The following SUSD4 variants were observed in gnomAD, a reference collection of about 807,000 sequenced individuals.
SUSD4 encodes the protein sushi domain-containing protein 4.
Under a neutral mutation model 50.5 loss-of-function variants are expected in SUSD4, and 41 were observed. The observed-to-expected ratio is 0.81, with a 90% confidence interval of 0.63 to 1.05. SUSD4 has a LOEUF of 1.05. Among genes scored for constraint, SUSD4 ranks in the 50% least tolerant of loss-of-function variants. The probability of loss-of-function intolerance (pLI) is 0.00; values close to 1 mark genes in which losing one functional copy is unlikely to be tolerated. For missense variants in SUSD4, 580 were observed against 634.7 expected, an observed-to-expected ratio of 0.91 and a Z score of 0.93; for synonymous variants, 257 against 257.3, an observed-to-expected ratio of 1.00 and a Z score of 0.01.
chr1:223,232,492 G>A (rs944874129), intron 5 of SUSD4, among the ~76,000 whole-genome samples: 3 of 152,222 alleles, frequency 2.0e-5, no homozygotes, highest in Non-Finnish European at 4.4e-5. Context: ...GAGGGCCACT[G>A]TAGGATTAGA....
At chr1:223,352,103 T>C (rs775983967) in intron 2 of SUSD4, among the ~76,000 whole-genome samples, 1 of 152,154 alleles carries the variant, frequency 6.6e-6, no homozygotes, top group Admixed American at 6.5e-5. Flanking sequence ...ATGGAGGAAA[T>C]TGAGAAACAG....
intron 2 of SUSD4, among the ~76,000 whole-genome samples, chr1:223,338,796 G>C (rs988368760): frequency 6.6e-6 from 1 of 152,244 alleles, no homozygotes; most frequent in East Asian, 1.9e-4. Flanking sequence ...AACATGGAGG[G>C]AGAGGCAATC....
chr1:223,271,124 G>A (rs896093382), intron 3 of SUSD4, among the ~76,000 whole-genome samples: 1 of 152,084 alleles, frequency 6.6e-6, no homozygotes, highest in Admixed American at 6.6e-5. Context: ...TAGGTACTGC[G>A]GCAGTAATTT....
At chr1:223,348,497 C>T (rs1205258476) in intron 2 of SUSD4, among the ~76,000 whole-genome samples, 1 of 152,164 alleles carries the variant, frequency 6.6e-6, no homozygotes, top group African/African-American at 2.4e-5. Context: ...AGACAGAAGC[C>T]ACTTTGTAAG....
At chr1:223,284,201 G>A (rs546672947) in intron 3 of SUSD4, among the ~76,000 whole-genome samples, 13 of 152,050 alleles carry the variant, frequency 8.5e-5, no homozygotes, top group African/African-American at 2.4e-4. Flanking sequence ...TGCACATTGC[G>A]CACATGTACC....
intron 5 of SUSD4, among the ~76,000 whole-genome samples, chr1:223,256,976 G>A (rs1661738995): frequency 6.6e-6 from 1 of 152,162 alleles, no homozygotes; most frequent in Non-Finnish European, 1.5e-5. Flanking sequence ...TGCTTCTCGT[G>A]ACTGTTGTTA....
intron 2 of SUSD4, among the ~76,000 whole-genome samples, chr1:223,353,259 T>C (rs1383080731): frequency 6.6e-6 from 1 of 152,174 alleles, no homozygotes; most frequent in African/African-American, 2.4e-5. Context: ...GGTCAGGACC[T>C]GCACGTGGGA....
chr1:223,313,259 G>C (rs75054872), intron 2 of SUSD4, among the ~76,000 whole-genome samples: 1,770 of 152,190 alleles, frequency 0.012, 35 homozygotes, highest in African/African-American at 0.039. Context: ...CATGCAGATT[G>C]AGTCCAACCA....
rs1271341985 is a variant in SUSD4 at position 223,227,228 on chromosome 1, A to G, written c.1061+366T>C. Among the ~76,000 whole-genome samples the G allele has an allele frequency of 3.9e-5, 6 of 151,962 alleles. No homozygotes were observed. Reference sequence around the variant, plus strand: ...GCTGTGTGCGCATCTTACCCTCCCTATAGACTGAGCTGTGTGGTGCTTCAC... The same window carrying G: ...GCTGTGTGCGCATCTTACCCTCCCTGTAGACTGAGCTGTGTGGTGCTTCAC... On this transcript the variant is annotated intron_variant, in intron 7 of 8. Transcript: ENST00000366878. The surrounding 1 kb of genome is among the most constrained non-coding windows in gnomAD (Gnocchi z 4.5).
rs573582612 is a variant in SUSD4 at position 223,340,172 on chromosome 1, A to G, written c.148+23106T>C. 7.9e-5 allele frequency among the ~76,000 whole-genome samples: 12 copies of G among 152,286 alleles called. No homozygotes were observed. In the East Asian group the frequency reaches 2.3e-3, roughly 29 times the overall value. On this transcript the variant is annotated intron_variant, in intron 2 of 8. Transcript: ENST00000366878. ...CAGTCTAGGCCCAGCACCCTGAAAAAAGCAGAATAACACCCAGAAGTTAAA... is the reference window on the plus strand; with the variant it reads ...CAGTCTAGGCCCAGCACCCTGAAAAGAGCAGAATAACACCCAGAAGTTAAA...
At chr1:223,298,257 A>C (rs1664964998) in intron 2 of SUSD4, among the ~76,000 whole-genome samples, 1 of 152,176 alleles carries the variant, frequency 6.6e-6, no homozygotes, top group African/African-American at 2.4e-5. Context: ...CCACCCACCA[A>C]ACAGCAACAC....
chr1:223,275,893 A>G (rs1009008091), intron 3 of SUSD4, among the ~76,000 whole-genome samples: 3 of 152,218 alleles, frequency 2.0e-5, no homozygotes. Flanking sequence ...GTAATAAAGA[A>G]AAACAGAACC....
chr1:223,267,589 T>C (rs1488287136), intron 4 of SUSD4, among the ~76,000 whole-genome samples: 2 of 152,120 alleles, frequency 1.3e-5, no homozygotes, highest in Admixed American at 6.5e-5. Flanking sequence ...CCGGGCTGCT[T>C]TCGTCCTTCT....
chr1:223,274,596 A>G (rs913430663), intron 3 of SUSD4, among the ~76,000 whole-genome samples: 1 of 152,224 alleles, frequency 6.6e-6, no homozygotes, highest in Non-Finnish European at 1.5e-5. Flanking sequence ...TCTTGTACTT[A>G]GTGTCTTTGT....
intron 4 of SUSD4, among the ~76,000 whole-genome samples, chr1:223,268,013 T>A (rs28552073): frequency 0.28 from 14,822 of 53,310 alleles, 2,704 homozygotes; most frequent in South Asian, 0.41. Context: ...CATGCATTTT[T>A]TATATATATA....
intron 2 of SUSD4, among the ~76,000 whole-genome samples, chr1:223,328,619 C>T (rs1368466997): frequency 2.0e-5 from 3 of 152,228 alleles, no homozygotes; most frequent in African/African-American, 7.2e-5. Context: ...GTTGCCTCTG[C>T]CGCTCATCAA....
At chr1:223,346,986 A>AT (rs1189094010) in intron 2 of SUSD4, among the ~76,000 whole-genome samples, 4 of 151,070 alleles carry the variant, frequency 2.6e-5, no homozygotes, top group East Asian at 3.9e-4. Context: ...TTTCACAAAT[A>AT]TTTTTTTTCA....
At chr1:223,335,417 C>T (rs1256846820) in intron 2 of SUSD4, among the ~76,000 whole-genome samples, 1 of 151,550 alleles carries the variant, frequency 6.6e-6, no homozygotes, top group Non-Finnish European at 1.5e-5. Context: ...TCAGTGTGAA[C>T]AAAAGGCATT....
chr1:223,281,941 A>C (rs1663770634), intron 3 of SUSD4, among the ~76,000 whole-genome samples: 1 of 152,234 alleles, frequency 6.6e-6, no homozygotes. Context: ...AACATACGCA[A>C]ATCAATAAAC....
Sources: gnomAD v4.1 joint callset for allele counts (sites outside exome capture counted in the v4.1 genomes callset) on GRCh38, gnomAD v4.1.1 for gene constraint, Gnocchi (gnomAD v3.1) non-coding constraint, MANE v1.5 for transcripts, NCBI Gene and HGNC (gene_info 2026-07-23, HGNC 2026-07-21) for gene names.